Variants in PIGZ observed in about 807,000 individuals in gnomAD.
PIGZ encodes GPI alpha-1,2-mannosyltransferase 4.
In PIGZ, 16 loss-of-function variants were observed where a neutral mutation model predicts 16.4. The ratio of observed to expected loss-of-function variants is 0.97; its 90% CI spans 0.66 to 1.48. PIGZ has a LOEUF of 1.48. PIGZ is among the 40% of genes most tolerant of loss of function. The pLI, the probability that PIGZ is intolerant of heterozygous loss-of-function variation, is 0.00. For synonymous variants in PIGZ, 409 were observed against 338.4 expected (o/e 1.21, Z -2.29); for missense variants, 770 against 739.2 (o/e 1.04, Z -0.48).
chr3:196,957,422 A>G (rs1174044006), intron 1 of PIGZ, among the ~76,000 whole-genome samples: 3 of 146,792 alleles, frequency 2.0e-5, no homozygotes, highest in East Asian at 2.0e-4. Context: ...TTGCTCTGTC[A>G]CCTAGGCTGG....
intron 1 of PIGZ, among the ~76,000 whole-genome samples, chr3:196,966,969 G>C (rs1448729346): frequency 6.6e-6 from 1 of 152,062 alleles, no homozygotes; most frequent in East Asian, 1.9e-4. Flanking sequence ...AGATTGGACT[G>C]GGGGGCAGGG....
At chr3:196,949,037 T>TTACTTCTCTTCCCCTCCCTTC (rs1553836967) in intron 2 of PIGZ, among the ~76,000 whole-genome samples, 1 of 22,248 alleles carries the variant, frequency 4.5e-5, no homozygotes, top group Non-Finnish European at 6.9e-5. Flanking sequence ...TTCCTTCCCT[T>TTACTTCTCTTCCCCTCCCTTC]CCTTCCTTCC....
Position 196,948,656 on chromosome 3 carries a change from G to A in PIGZ, c.241C>T (p.Pro81Ser). The change falls in exon 3 of 3, where the codon CCC (proline) becomes TCC (serine). Residue 81 changes from proline to serine, a missense_variant. Pro to Ser is a moderately conservative substitution (Grantham distance 74). Coordinates refer to ENST00000412723, the MANE Select transcript of PIGZ (RefSeq NM_025163.4). ...GAGCTGCTGGGGTAAAACTCCCAGG[G>A]CCGCGCGGCCTGAACGCCCAGGATG... is the stretch of plus-strand genomic sequence containing the variant. ...EDILGVQAARPWEFYPSSSCR... is the reference protein window; with the variant it reads ...EDILGVQAARSWEFYPSSSCR... 2.1e-6 allele frequency: 3 copies of A among 1,463,314 alleles called. No individual in the cohort carries two copies. Among genetic ancestry groups the A allele is most frequent in the Non-Finnish European group, 1.8e-6 (2 of 1,110,128 alleles). 90.6% of individuals were successfully genotyped at this position (1,463,314 alleles called of 1,614,324 possible).
chr3:196,956,395 G>A (rs1161897417), intron 1 of PIGZ, among the ~76,000 whole-genome samples: 2 of 152,180 alleles, frequency 1.3e-5, no homozygotes, highest in East Asian at 3.8e-4. Context: ...TGAGAAGCAA[G>A]CGAATGAGAC....
chr3:196,962,574 C>G (rs974180899), intron 1 of PIGZ, among the ~76,000 whole-genome samples: 2 of 151,386 alleles, frequency 1.3e-5, no homozygotes, highest in Non-Finnish European at 3.0e-5. Flanking sequence ...GGTGTAAAAC[C>G]TGATCGTACA....
chr3:196,958,689 G>A (rs1696198155), intron 1 of PIGZ, among the ~76,000 whole-genome samples: 1 of 152,150 alleles, frequency 6.6e-6, no homozygotes, highest in Non-Finnish European at 1.5e-5. Flanking sequence ...TTTGATATAT[G>A]ATTTTCTTGG....
chr3:196,968,762 G>T lies in PIGZ; in HGVS notation c.-76C>A, dbSNP rs1283220793. The T allele has an allele frequency of 2.6e-5, 4 of 151,720 alleles. No individual in the cohort carries two copies. Among genetic ancestry groups the T allele is most frequent in the Non-Finnish European group, 5.9e-5 (4 of 67,910 alleles). The allele number at this position is 151,720 out of a possible 1,614,324, so 9.4% of individuals were successfully genotyped here. On this transcript the variant is annotated 5_prime_UTR_variant, in exon 1 of 3. Transcript: ENST00000412723. Reference sequence around the variant, plus strand: ...GAGGGCCAGGGTCCCAGGAGGCCCCGGAGGCGGCGGGACCGCAGGGCGGAG... The same window carrying T: ...GAGGGCCAGGGTCCCAGGAGGCCCCTGAGGCGGCGGGACCGCAGGGCGGAG...
chr3:196,963,161 T>A (rs1409338283), intron 1 of PIGZ, among the ~76,000 whole-genome samples: 1 of 152,230 alleles, frequency 6.6e-6, no homozygotes, highest in African/African-American at 2.4e-5. Flanking sequence ...CCAAGTGATA[T>A]CCCATTGTGT....
intron 1 of PIGZ, among the ~76,000 whole-genome samples, chr3:196,953,689 T>A (rs1463837418): frequency 6.6e-6 from 1 of 152,216 alleles, no homozygotes; most frequent in Non-Finnish European, 1.5e-5. Context: ...ATATTTTAAA[T>A]TCTGACCTTA....
rs568261109 is a variant in PIGZ, at chr3:196,957,678, C to T, written c.1-5647G>A. ...TACAGGCGTGAGCCACTGTGCCCGG[C>T]CAAATTTATTTCTTAGGCCACCTTT... On this transcript the variant is annotated intron_variant, in intron 1 of 2. Coordinates refer to ENST00000412723, the MANE Select transcript of PIGZ (RefSeq NM_025163.4). 3.9e-5 allele frequency among the ~76,000 whole-genome samples: 6 copies of T among 152,306 alleles called. No individual in the cohort carries two copies. The South Asian group carries it at 1.2e-3, about 32-fold the overall frequency.
chr3:196,950,744 C>CT (rs35150164), intron 2 of PIGZ, among the ~76,000 whole-genome samples: 47,046 of 143,746 alleles, frequency 0.33, 8,494 homozygotes, highest in East Asian at 0.8. Flanking sequence ...CTTCATTAGA[C>CT]TTTTTTTTTT....
At chr3:196,948,828 C>T (rs963106980) in intron 2 of PIGZ, 143 bp from the exon 3 acceptor site, 3 of 432,412 alleles carry the variant, frequency 6.9e-6, no homozygotes, top group Middle Eastern at 5.8e-4. Flanking sequence ...GATTTTTCCT[C>T]CCTTCCCTCC....
In PIGZ at chr3:196,947,595, GC is replaced by G. The variant is rs753814752; in HGVS notation, c.1301del (p.Gly434AlafsTer66). The G allele has an allele frequency of 6.8e-6, 11 of 1,613,570 alleles. No homozygotes were observed. The highest frequency in any genetic ancestry group is 3.3e-5 in the South Asian group (3 of 91,036). On this transcript the variant is annotated frameshift_variant, in exon 3 of 3. Coordinates refer to ENST00000412723, the MANE Select transcript of PIGZ (RefSeq NM_025163.4). LOFTEE classifies it high-confidence loss of function. ...ALLFGCLHQG[G>X]LVPGLEYLEQ... ...CCAGGTACTCCAGGCCAGGCACCAGGCCCCCCTGATGCAGGCAGCCGAAGAG... is the reference window on the plus strand; with the variant it reads ...CCAGGTACTCCAGGCCAGGCACCAGGCCCCCTGATGCAGGCAGCCGAAGAG...
chr3:196,948,314 G>A lies in PIGZ; in HGVS notation c.583C>T (p.His195Tyr). The A allele has an allele frequency of 6.2e-7, 1 of 1,614,176 alleles. No homozygotes were observed. The highest frequency in any genetic ancestry group is 1.1e-5 in the South Asian group (1 of 91,078). ...FTWLLVLVSSHVTWGPTRKEP... is the reference protein window; with the variant it reads ...FTWLLVLVSSYVTWGPTRKEP... ...TTGCGTGTAGGGCCCCACGTTACAT[G>A]GGAGGATACCAGCACCAGCAGCCAC... The change falls in exon 3 of 3, where the codon CAT becomes TAT. Residue 195 changes from histidine (H) to tyrosine (Y), a missense_variant. His to Tyr is a moderately conservative substitution (Grantham distance 83, BLOSUM62 2). Coordinates refer to ENST00000412723, the MANE Select transcript of PIGZ (RefSeq NM_025163.4).
chr3:196,963,174 A>C (rs1349616818), intron 1 of PIGZ, among the ~76,000 whole-genome samples: 1 of 152,164 alleles, frequency 6.6e-6, no homozygotes, highest in Non-Finnish European at 1.5e-5. Context: ...CATTGTGTGG[A>C]TATACCATAT....
chr3:196,959,749 G>A (rs528515299), intron 1 of PIGZ, among the ~76,000 whole-genome samples: 3 of 152,182 alleles, frequency 2.0e-5, no homozygotes, highest in East Asian at 1.9e-4. Flanking sequence ...TGGCTTCCGC[G>A]TTGTCAAAAC....
chr3:196,947,749 G>T lies in PIGZ; in HGVS notation c.1148C>A (p.Ala383Asp). The change falls in exon 3 of 3, where the codon GCC (alanine) becomes GAC (aspartate). Residue 383 changes from alanine (A) to aspartate (D), a missense_variant. Physicochemically the swap from Ala to Asp is moderately radical, Grantham distance 126. Coordinates refer to ENST00000412723, the MANE Select transcript of PIGZ (RefSeq NM_025163.4). ...GAACCGAGCCTCCTGGTGGCTAAAG[G>T]CAGATAGCAGGGCCAGAGGCATGAA... ...LYFMPLALLS[A>D]FSHQEARFLI... 6.2e-7 allele frequency: 1 copy of T among 1,612,602 alleles called. No homozygotes were observed. Among genetic ancestry groups the T allele is most frequent in the Non-Finnish European group, 8.5e-7 (1 of 1,179,306 alleles).
At chr3:196,955,785 G>A (rs1431795987) in intron 1 of PIGZ, among the ~76,000 whole-genome samples, 1 of 151,664 alleles carries the variant, frequency 6.6e-6, no homozygotes, top group Non-Finnish European at 1.5e-5. Context: ...TGCCGTGTTG[G>A]CCATGCTGGT....
In PIGZ at chr3:196,946,360, G is replaced by A. The variant is rs930930381; in HGVS notation, c.*797C>T. 6.6e-6 allele frequency: 1 copy of A among 152,252 alleles called. No individual in the cohort carries two copies. The highest frequency in any genetic ancestry group is 1.5e-5 in the Non-Finnish European group (1 of 68,056). The allele number at this position is 152,252 out of a possible 1,614,324, so 9.4% of individuals were successfully genotyped here. On this transcript the variant is annotated 3_prime_UTR_variant, in exon 3 of 3. Coordinates refer to ENST00000412723, the MANE Select transcript of PIGZ (RefSeq NM_025163.4). ...AAAGAAAGTAGGGAGAAAATCTCCA[G>A]TGCTATTATATATTTCAAACATTAC...
Sources: gnomAD v4.1 joint callset for allele counts (sites outside exome capture counted in the v4.1 genomes callset) on GRCh38, gnomAD v4.1.1 for gene constraint, MANE v1.5 for transcripts, NCBI Gene and HGNC (gene_info 2026-07-23, HGNC 2026-07-21) for gene names.